Variants in NLGN1 observed in about 807,000 individuals in gnomAD.
NLGN1 encodes the protein neuroligin 1.
A neutral mutation model predicts 65.5 loss-of-function variants in NLGN1; 12 were observed. The observed-to-expected ratio is 0.18, with a 90% confidence interval of 0.12 to 0.30. The LOEUF (loss-of-function observed/expected upper bound fraction) is 0.30, where lower values mean the gene tolerates loss of function less well. NLGN1 is among the 10% of genes least tolerant of loss of function. The pLI is 1.00. For synonymous variants in NLGN1, 350 were observed against 359.5 expected (o/e 0.97, Z 0.30); for missense variants, 750 against 1,007.1 (o/e 0.74, Z 3.46).
intron 2 of NLGN1, among the ~76,000 whole-genome samples, chr3:173,555,949 G>A (rs976026176): frequency 6.6e-6 from 1 of 152,118 alleles, no homozygotes; most frequent in Non-Finnish European, 1.5e-5. Context: ...GTTTGTTTTA[G>A]GAATATTTTT....
At chr3:173,627,180 T>C (rs1754953917) in intron 3 of NLGN1, among the ~76,000 whole-genome samples, 1 of 152,130 alleles carries the variant, frequency 6.6e-6, no homozygotes, top group African/African-American at 2.4e-5. Flanking sequence ...AGGTGTACAA[T>C]GTTTGTATCC....
chr3:173,969,173 G>A (rs1372719226), intron 4 of NLGN1, among the ~76,000 whole-genome samples: 1 of 151,978 alleles, frequency 6.6e-6, no homozygotes, highest in Non-Finnish European at 1.5e-5. Flanking sequence ...ACATCAAAAT[G>A]TGACCCAAAC....
At chr3:173,745,836 A>G (rs939949584) in intron 3 of NLGN1, among the ~76,000 whole-genome samples, 2 of 152,096 alleles carry the variant, frequency 1.3e-5, no homozygotes, top group African/African-American at 4.8e-5. Context: ...AATTTGAATC[A>G]TGGACTATTA....
intron 2 of NLGN1, among the ~76,000 whole-genome samples, chr3:173,556,592 A>T (rs1335129180): frequency 6.6e-6 from 1 of 152,116 alleles, no homozygotes; most frequent in Non-Finnish European, 1.5e-5. Context: ...AAGCAGGAGG[A>T]TCATTTGAGC....
intron 4 of NLGN1, among the ~76,000 whole-genome samples, chr3:173,854,356 A>AT (rs141542427): frequency 0.011 from 1,602 of 149,636 alleles, 13 homozygotes; most frequent in African/African-American, 0.029. Flanking sequence ...TGTAAGTCTG[A>AT]TTTTTTTTTT....
intron 2 of NLGN1, among the ~76,000 whole-genome samples, chr3:173,588,735 T>C (rs1353881213): frequency 6.6e-6 from 1 of 152,210 alleles, no homozygotes; most frequent in Non-Finnish European, 1.5e-5. Context: ...TGTGTCAGCA[T>C]GTTAGCTTTA....
chr3:173,952,232 G>T (rs778796141), intron 4 of NLGN1, among the ~76,000 whole-genome samples: 11 of 152,048 alleles, frequency 7.2e-5, no homozygotes, highest in Non-Finnish European at 1.6e-4. Flanking sequence ...TTTAAAGATG[G>T]GCATATTTCC....
chr3:173,861,400 T>A (rs934945569), intron 4 of NLGN1, among the ~76,000 whole-genome samples: 3 of 151,684 alleles, frequency 2.0e-5, no homozygotes, highest in African/African-American at 7.3e-5. Context: ...TAACAGAATC[T>A]AGAGCTGGGA....
chr3:174,050,398 A>G (rs763369402), intron 4 of NLGN1, among the ~76,000 whole-genome samples: 15 of 148,250 alleles, frequency 1.0e-4, no homozygotes, highest in Non-Finnish European at 1.8e-4. Context: ...ACTTTGAAAC[A>G]TTTTTTTTTT....
intron 4 of NLGN1, among the ~76,000 whole-genome samples, chr3:173,877,198 A>G (rs1050919176): frequency 2.6e-5 from 4 of 152,196 alleles, no homozygotes; most frequent in Admixed American, 1.3e-4. Context: ...TTACTAGTAC[A>G]TAATATCTGT....
chr3:174,257,403 TG>T (rs1434691080), intron 4 of NLGN1, among the ~76,000 whole-genome samples: 1 of 152,222 alleles, frequency 6.6e-6, no homozygotes, highest in Non-Finnish European at 1.5e-5. Context: ...ATCCCATTAC[TG>T]GGTATATATC....
At chr3:173,559,726 A>C (rs1488021268) in intron 2 of NLGN1, among the ~76,000 whole-genome samples, 2 of 152,186 alleles carry the variant, frequency 1.3e-5, no homozygotes, top group Non-Finnish European at 2.9e-5. Flanking sequence ...TAGAGATGTA[A>C]AGAAAAGTGT....
At chr3:174,208,725 A>T (rs930061573) in intron 4 of NLGN1, among the ~76,000 whole-genome samples, 1 of 152,034 alleles carries the variant, frequency 6.6e-6, no homozygotes, top group African/African-American at 2.4e-5. Context: ...AGGTAAACAC[A>T]ATGCCTAGAA....
At chr3:174,271,201 C>G (rs566724340) in intron 4 of NLGN1, among the ~76,000 whole-genome samples, 2 of 151,928 alleles carry the variant, frequency 1.3e-5, no homozygotes, top group East Asian at 3.9e-4. Flanking sequence ...CTCAAATATG[C>G]TCCTACCTTA....
intron 4 of NLGN1, among the ~76,000 whole-genome samples, chr3:174,161,803 A>G (rs932406999): frequency 1.3e-5 from 2 of 151,864 alleles, no homozygotes; most frequent in African/African-American, 4.8e-5. Flanking sequence ...CTGAGAATGG[A>G]ACTGATAGAA....
intron 2 of NLGN1, among the ~76,000 whole-genome samples, chr3:173,534,526 G>A (rs1421885301): frequency 6.6e-6 from 1 of 152,060 alleles, no homozygotes; most frequent in African/African-American, 2.4e-5. Context: ...TATTACATAT[G>A]CCCTTAAACT....
chr3:173,841,237 G>T (rs1724725225), intron 4 of NLGN1, among the ~76,000 whole-genome samples: 1 of 151,950 alleles, frequency 6.6e-6, no homozygotes, highest in Non-Finnish European at 1.5e-5. Flanking sequence ...ATTACAAGTG[G>T]ATTGTTACTT....
intron 1 of NLGN1, among the ~76,000 whole-genome samples, chr3:173,400,246 C>T (rs1560199465): frequency 6.6e-6 from 1 of 152,054 alleles, no homozygotes; most frequent in African/African-American, 2.4e-5. Context: ...GTCTTCTAGA[C>T]TTAATATTAT....
At chr3:174,251,508 G>A (rs1744760235) in intron 4 of NLGN1, among the ~76,000 whole-genome samples, 1 of 152,116 alleles carries the variant, frequency 6.6e-6, no homozygotes, top group African/African-American at 2.4e-5. Flanking sequence ...TATGGCACCT[G>A]GGCAAAGCTG....
Sources: allele counts gnomAD v4.1 joint callset (sites outside exome capture counted in the v4.1 genomes callset), GRCh38; gene constraint gnomAD v4.1.1; transcripts MANE v1.5; gene names NCBI Gene and HGNC (gene_info 2026-07-23, HGNC 2026-07-21).